ETS1: variants seen among roughly 807,000 people sequenced by gnomAD.
The protein encoded by ETS1 is ETS proto-oncogene 1, transcription factor.
ETS1 carries 15 observed loss-of-function variants against 58.6 expected under a neutral mutation model. That is an observed-to-expected ratio of 0.26 (90% confidence interval 0.17 to 0.39). ETS1 has a LOEUF of 0.39. Among genes scored for constraint, ETS1 ranks in the 10% least tolerant of loss-of-function variants. The pLI is 1.00. For missense variants in ETS1, 417 were observed against 610.5 expected (o/e 0.68, Z 3.34); for synonymous variants, 214 against 218.2 (o/e 0.98, Z 0.17).
At chr11:128,519,397 A>G (rs1009021145) in intron 3 of ETS1, among the ~76,000 whole-genome samples, 6 of 152,222 alleles carry the variant, frequency 3.9e-5, no homozygotes, top group Non-Finnish European at 7.3e-5. Flanking sequence ...TTTAAGCCAG[A>G]TAAGATCCCA....
At chr11:128,470,859 G>A (rs1027864069) in intron 8 of ETS1, among the ~76,000 whole-genome samples, 7 of 152,116 alleles carry the variant, frequency 4.6e-5, no homozygotes, top group Non-Finnish European at 8.8e-5. Flanking sequence ...TAAGCATTTA[G>A]GACTTTTTTA....
At chr11:128,499,626 C>T (rs1591620328) in intron 3 of ETS1, among the ~76,000 whole-genome samples, 1 of 152,178 alleles carries the variant, frequency 6.6e-6, no homozygotes, top group East Asian at 1.9e-4. Flanking sequence ...GGCATGATAA[C>T]ATTTCTTTTT....
chr11:128,460,208 C>T lies in ETS1; in HGVS notation c.*2153G>A, dbSNP rs571417131. The stretch of plus-strand genomic sequence containing the variant: ...CTAAGAGAAAACAATGTAGTCCAAA[C>T]AGTTCCACCCAACACTCCCTGAGCA... On this transcript the variant is annotated 3_prime_UTR_variant, in exon 10 of 10. Coordinates refer to ENST00000392668, the MANE Select transcript of ETS1 (RefSeq NM_001143820.2). 1.2e-4 allele frequency: 18 copies of T among 152,760 alleles called. No individual in the cohort carries two copies. Among genetic ancestry groups the T allele is most frequent in the East Asian group, 1.9e-4 (1 of 5,340 alleles). 9.5% of individuals were successfully genotyped at this position (152,760 alleles called of 1,614,324 possible). A position where few individuals can be genotyped will look rare whatever the true frequency, so the allele number is the denominator to read the frequency against.
chr11:128,517,602 C>A (rs962587816), intron 3 of ETS1, among the ~76,000 whole-genome samples: 1 of 152,204 alleles, frequency 6.6e-6, no homozygotes, highest in Non-Finnish European at 1.5e-5. Flanking sequence ...TGGAATTCCA[C>A]CACAGCCATG....
chr11:128,526,419 T>C (rs1173241774), intron 3 of ETS1: 1 of 156,890 alleles, frequency 6.4e-6, no homozygotes, highest in Non-Finnish European at 1.4e-5. Context: ...AATGAGATAA[T>C]GTATGCAAAG....
intron 2 of ETS1, among the ~76,000 whole-genome samples, chr11:128,558,650 A>C (rs1292791892): frequency 4.1e-4 from 1 of 2,416 alleles, no homozygotes; most frequent in Non-Finnish European, 8.6e-4. Flanking sequence ...TATCCATCCC[A>C]AAAAAAAAAA....
chr11:128,477,835 T>G (rs1283619524), intron 8 of ETS1, among the ~76,000 whole-genome samples: 4 of 152,154 alleles, frequency 2.6e-5, no homozygotes, highest in Non-Finnish European at 4.4e-5. Flanking sequence ...TAATTGAGGG[T>G]TTTTTTCTCT....
intron 8 of ETS1, among the ~76,000 whole-genome samples, chr11:128,473,876 G>T (rs1326569962): frequency 6.6e-6 from 1 of 152,220 alleles, no homozygotes; most frequent in Non-Finnish European, 1.5e-5. Flanking sequence ...CAACAGAGGT[G>T]ATGGGGAGTT....
chr11:128,578,375 A>G (rs1432123065), intron 1 of ETS1, among the ~76,000 whole-genome samples: 1 of 152,138 alleles, frequency 6.6e-6, no homozygotes, highest in Non-Finnish European at 1.5e-5. Flanking sequence ...GTATTTCTAG[A>G]TAACTTTGAC....
At chr11:128,475,169 C>T (rs543415469) in intron 8 of ETS1, among the ~76,000 whole-genome samples, 3 of 152,382 alleles carry the variant, frequency 2.0e-5, no homozygotes, top group African/African-American at 4.8e-5. Flanking sequence ...TTCCTTATCA[C>T]TAACTTAGGC....
intron 3 of ETS1, among the ~76,000 whole-genome samples, chr11:128,492,836 T>C (rs911101378): frequency 2.0e-5 from 3 of 152,164 alleles, no homozygotes; most frequent in Admixed American, 6.5e-5. Context: ...CCAGAGAGTA[T>C]TGCTTCTGAG....
At chr11:128,465,740 T>C (rs1862016271) in intron 8 of ETS1, among the ~76,000 whole-genome samples, 1 of 152,202 alleles carries the variant, frequency 6.6e-6, no homozygotes, top group African/African-American at 2.4e-5. Flanking sequence ...ATGAGTGCTA[T>C]GCTTGACGGT....
intron 3 of ETS1, among the ~76,000 whole-genome samples, chr11:128,538,736 A>T (rs2135539416): frequency 6.7e-6 from 1 of 148,994 alleles, no homozygotes; most frequent in Non-Finnish European, 1.5e-5. Flanking sequence ...GAAAACACAC[A>T]CACACACACA....
intron 3 of ETS1, among the ~76,000 whole-genome samples, chr11:128,535,161 C>T (rs988624741): frequency 1.3e-5 from 2 of 152,168 alleles, no homozygotes; most frequent in Non-Finnish European, 1.5e-5. Flanking sequence ...TTTTGATTTG[C>T]ATTTATCTAA....
rs534141206 is a variant in ETS1 at position 128,469,059 on chromosome 11, C to G, written c.1124-5432G>C. Among the ~76,000 whole-genome samples the G allele has an allele frequency of 2.0e-5, 3 of 152,328 alleles. No individual in the cohort carries two copies. In the East Asian group the frequency reaches 5.8e-4, roughly 29 times the overall value. ...TAGAAAGTCCGCTCAAATGGCTTCT[C>G]TCTATTAAACAATATTTGGGGCCAA... On this transcript the variant is annotated intron_variant, in intron 8 of 9. Transcript: ENST00000392668.
At chr11:128,499,364 T>C (rs565972503) in intron 3 of ETS1, among the ~76,000 whole-genome samples, 114 of 152,364 alleles carry the variant, frequency 7.5e-4, no homozygotes, top group African/African-American at 2.6e-3. Flanking sequence ...TGACTAGAAC[T>C]GTATCTTTTA....
chr11:128,577,247 G>T (rs1015990077), intron 1 of ETS1, among the ~76,000 whole-genome samples: 5 of 152,174 alleles, frequency 3.3e-5, no homozygotes, highest in Admixed American at 6.5e-5. Context: ...TAGATTGCAG[G>T]TCTAGATAAA....
chr11:128,469,535 C>T (rs575338230), intron 8 of ETS1, among the ~76,000 whole-genome samples: 3 of 152,346 alleles, frequency 2.0e-5, no homozygotes, highest in Admixed American at 1.3e-4. Context: ...AGCATCACCC[C>T]TTTCTGTCAA....
At chr11:128,550,895 G>A (rs1343497471) in intron 3 of ETS1, among the ~76,000 whole-genome samples, 1 of 152,168 alleles carries the variant, frequency 6.6e-6, no homozygotes. Flanking sequence ...ATAAAATAAA[G>A]AGACTGGAGT....
Sources: allele counts gnomAD v4.1 joint callset (sites outside exome capture counted in the v4.1 genomes callset), GRCh38; gene constraint gnomAD v4.1.1; transcripts MANE v1.5; gene names NCBI Gene and HGNC (gene_info 2026-07-23, HGNC 2026-07-21).